EFCAB5: variants seen among roughly 807,000 people sequenced by gnomAD.
EFCAB5 encodes the protein EF-hand calcium binding domain 5.
In EFCAB5, 131 loss-of-function variants were observed where a neutral mutation model predicts 167.9. The ratio of observed to expected loss-of-function variants is 0.78; its 90% confidence interval spans 0.68 to 0.90. The LOEUF (loss-of-function observed/expected upper bound fraction) is 0.90. Ranked by LOEUF, EFCAB5 falls within the 40% of genes least tolerant of loss-of-function variation. The probability of loss-of-function intolerance (pLI) is 0.00; values close to 1 mark genes in which losing one functional copy is unlikely to be tolerated. For missense variants in EFCAB5, 1,663 were observed against 1,745.2 expected (o/e 0.95, Z 0.84); for synonymous variants, 574 against 602.8 (o/e 0.95, Z 0.70).
At chr17:30,016,676 G>A (rs1488214844) in intron 7 of EFCAB5, among the ~76,000 whole-genome samples, 1 of 151,996 alleles carries the variant, frequency 6.6e-6, no homozygotes, top group African/African-American at 2.4e-5. Flanking sequence ...TTCTTATTAT[G>A]TAATACAATT....
chr17:29,946,363 A>T (rs1229156549), intron 3 of EFCAB5, among the ~76,000 whole-genome samples: 2 of 151,856 alleles, frequency 1.3e-5, no homozygotes, highest in African/African-American at 2.4e-5. Context: ...TGAAAAGCTA[A>T]TGCTTGTACA....
chr17:30,033,003 T>A (rs568106003), intron 7 of EFCAB5, among the ~76,000 whole-genome samples: 1 of 152,054 alleles, frequency 6.6e-6, no homozygotes, highest in East Asian at 1.9e-4. Flanking sequence ...GCTATGGAAG[T>A]GGGATCATGC....
At chr17:30,022,591 G>T (rs1383867778) in intron 7 of EFCAB5, among the ~76,000 whole-genome samples, 1 of 152,084 alleles carries the variant, frequency 6.6e-6, no homozygotes, top group Admixed American at 6.6e-5. Context: ...TCTGGTGGTC[G>T]TGAGTTTTAA....
rs531099412 is a variant in EFCAB5, at chr17:30,062,618, T to C, written c.2737+2917T>C. Among the ~76,000 whole-genome samples the C allele has an allele frequency of 1.4e-4, 21 of 152,240 alleles. No homozygotes were observed. In the East Asian group the frequency reaches 2.3e-3, roughly 17 times the overall value. ...GCTACTGCACTACACCAGCTTGGGA[T>C]TGGAACTACGGCTGGAGTGTGTCTT... is the stretch of plus-strand genomic sequence containing the variant. On this transcript the variant is annotated intron_variant, in intron 14 of 22. Transcript: ENST00000394835.
At chr17:30,047,264 T>C (rs147854163) in intron 8 of EFCAB5, among the ~76,000 whole-genome samples, 1 of 152,338 alleles carries the variant, frequency 6.6e-6, no homozygotes, top group African/African-American at 2.4e-5. Flanking sequence ...ATTTTTCATA[T>C]GTAGCCTCTA....
intron 4 of EFCAB5, among the ~76,000 whole-genome samples, chr17:29,973,884 G>A (rs903371845): frequency 6.6e-6 from 1 of 151,778 alleles, no homozygotes; most frequent in Non-Finnish European, 1.5e-5. Context: ...ATGGCCCAGC[G>A]CGGTGGCTCA....
intron 14 of EFCAB5, among the ~76,000 whole-genome samples, chr17:30,064,000 T>A (rs2151804204): frequency 6.6e-6 from 1 of 152,162 alleles, no homozygotes; most frequent in East Asian, 1.9e-4. Flanking sequence ...GCACACAAAA[T>A]TTCAACTACA....
chr17:30,068,295 C>G (rs553227986), intron 14 of EFCAB5, among the ~76,000 whole-genome samples: 132 of 150,148 alleles, frequency 8.8e-4, no homozygotes, highest in African/African-American at 3.1e-3. Context: ...GAGTGAGACT[C>G]CATCTCAAAA....
At chr17:30,024,842 A>G (rs1486169394) in intron 7 of EFCAB5, among the ~76,000 whole-genome samples, 1 of 152,182 alleles carries the variant, frequency 6.6e-6, no homozygotes, top group Non-Finnish European at 1.5e-5. Context: ...AGAGATATAG[A>G]TCAATGGAAC....
intron 4 of EFCAB5, among the ~76,000 whole-genome samples, chr17:29,973,634 C>T (rs1452825550): frequency 6.6e-6 from 1 of 151,470 alleles, no homozygotes; most frequent in Non-Finnish European, 1.5e-5. Context: ...CCCGCCACTA[C>T]ACCCTGCTAA....
chr17:30,035,996 T>C (rs1179556348), intron 8 of EFCAB5, among the ~76,000 whole-genome samples: 2 of 149,352 alleles, frequency 1.3e-5, no homozygotes, highest in Admixed American at 6.8e-5. Context: ...ATAATGACTA[T>C]GTATATGTCT....
intron 4 of EFCAB5, among the ~76,000 whole-genome samples, chr17:29,990,825 C>T (rs2068398970): frequency 1.3e-5 from 2 of 152,166 alleles, no homozygotes; most frequent in African/African-American, 2.4e-5. Context: ...TGAGAGCAGT[C>T]GCTCGAGGTG....
At chr17:30,079,635 A>T (rs2070942466) in intron 15 of EFCAB5, among the ~76,000 whole-genome samples, 1 of 151,974 alleles carries the variant, frequency 6.6e-6, no homozygotes, top group African/African-American at 2.4e-5. Context: ...CCTCGAGAGC[A>T]TTTTTTTTCA....
chr17:30,053,744 G>T lies in EFCAB5; in HGVS notation c.1790G>T (p.Gly597Val). 1 of 1,613,936 alleles carries T rather than the reference G, an allele frequency of 6.2e-7. No individual in the cohort carries two copies. The highest frequency in any genetic ancestry group is 1.1e-5 in the South Asian group (1 of 91,076). Reference sequence around the variant, plus strand: ...CGCAGAGTGTCAGTTTCAGAACAAGGATCAAGCAGAGAGTCAGTTGCAGAA... The same window carrying T: ...CGCAGAGTGTCAGTTTCAGAACAAGTATCAAGCAGAGAGTCAGTTGCAGAA... ...GPRRVSVSEQ[G>V]SSRESVAEQG... Residue 597 changes from glycine (G) to valine (V), a missense_variant, in exon 10 of 23, where the codon GGA becomes GTA. Physicochemically the swap from Gly to Val is moderately radical, Grantham distance 109. Transcript: ENST00000394835.
chr17:30,091,559 G>C (rs775871331), intron 20 of EFCAB5, among the ~76,000 whole-genome samples: 5 of 152,156 alleles, frequency 3.3e-5, no homozygotes, highest in Non-Finnish European at 7.4e-5. Flanking sequence ...TCACAGAAGA[G>C]GAAAAGGATA....
chr17:29,959,160 T>C (rs2067673321), intron 3 of EFCAB5, among the ~76,000 whole-genome samples: 1 of 151,956 alleles, frequency 6.6e-6, no homozygotes, highest in Non-Finnish European at 1.5e-5. Flanking sequence ...TGGCTACTGC[T>C]GATGTTTATT....
In EFCAB5 at chr17:30,055,894, CA is replaced by C. The variant is rs755823613; in HGVS notation, c.2207del (p.Lys736ArgfsTer16). ...LSRKDHFPETTKKEVQKDKPC... is the reference protein window; with the variant it reads ...LSRKDHFPETXKKEVQKDKPC... ...TTTCATTTGCACCTTTTAGAAACTA[CA>C]AAAAAGGAAGTTCAGAAAGACAAGC... On this transcript the variant is annotated frameshift_variant, in exon 11 of 23. Transcript: ENST00000394835. LOFTEE classifies it high-confidence loss of function. 6.2e-6 allele frequency: 10 copies of C among 1,611,674 alleles called. No homozygotes were observed. In the South Asian group the frequency reaches 1.1e-4, roughly 18 times the overall value.
chr17:30,014,439 G>C (rs1332413152), intron 7 of EFCAB5, among the ~76,000 whole-genome samples: 2 of 152,056 alleles, frequency 1.3e-5, no homozygotes, highest in Admixed American at 6.6e-5. Flanking sequence ...GAGTCTAAGT[G>C]TCTTTTTAGG....
chr17:29,996,714 T>C (rs946501697), intron 6 of EFCAB5, among the ~76,000 whole-genome samples: 1 of 152,218 alleles, frequency 6.6e-6, no homozygotes, highest in African/African-American at 2.4e-5. Context: ...GAAAACTATA[T>C]GCACTGGCTA....
Sources: gnomAD v4.1 joint callset for allele counts (sites outside exome capture counted in the v4.1 genomes callset) on GRCh38, gnomAD v4.1.1 for gene constraint, MANE v1.5 for transcripts, NCBI Gene and HGNC (gene_info 2026-07-23, HGNC 2026-07-21) for gene names.